The following NRG4 variants were observed in gnomAD, a reference collection of about 807,000 sequenced individuals.
NRG4 encodes the protein neuregulin 4, also known as pro-neuregulin-4, membrane-bound isoform.
In NRG4, 10 loss-of-function variants were observed where a neutral mutation model predicts 15.0. The ratio of observed to expected loss-of-function variants is 0.67; its 90% CI spans 0.41 to 1.13. NRG4 has a LOEUF of 1.13. NRG4 is among the 50% of genes most tolerant of loss of function. The pLI is 0.00. For synonymous variants in NRG4, 41 were observed against 50.1 expected (o/e 0.82, Z 0.77); for missense variants, 139 against 140.2 (o/e 0.99, Z 0.04).
chr15:76,006,195 G>T (rs772954523), intron 3 of NRG4, among the ~76,000 whole-genome samples: 1 of 152,136 alleles, frequency 6.6e-6, no homozygotes, highest in African/African-American at 2.4e-5. Flanking sequence ...GTAGAAATAT[G>T]ATTTGACAAC....
intron 3 of NRG4, among the ~76,000 whole-genome samples, chr15:75,987,919 G>A (rs1281771795): frequency 1.3e-5 from 2 of 152,068 alleles, no homozygotes; most frequent in Non-Finnish European, 2.9e-5. Context: ...ATGAATTTTC[G>A]ATATACACTG....
chr15:76,005,705 G>GAAAAA, intron 3 of NRG4: 2 of 243,896 alleles, frequency 8.2e-6, no homozygotes, highest in Admixed American at 4.8e-5. Flanking sequence ...AAAAAGGAAA[G>GAAAAA]AAAAGAGAAT....
chr15:75,945,707 T>C (rs1041940858), intron 5 of NRG4: 3 of 152,192 alleles, frequency 2.0e-5, no homozygotes, highest in Non-Finnish European at 2.9e-5. Flanking sequence ...TAATGGCATC[T>C]CTTTCAGGCT....
At chr15:76,002,758 G>T (rs1381138796) in intron 3 of NRG4, among the ~76,000 whole-genome samples, 3 of 151,948 alleles carry the variant, frequency 2.0e-5, no homozygotes, top group African/African-American at 7.3e-5. Context: ...ATGATAAAAG[G>T]GTCAATTAAA....
chr15:76,046,746 T>C (rs1335881014), intron 4 of NRG4, among the ~76,000 whole-genome samples: 1 of 151,100 alleles, frequency 6.6e-6, no homozygotes, highest in Non-Finnish European at 1.5e-5. Flanking sequence ...TCCATGACAT[T>C]GGTCTGGGTA....
intron 5 of NRG4, chr15:76,035,833 G>C (rs1035806029): frequency 1.3e-5 from 2 of 152,146 alleles, no homozygotes; most frequent in Non-Finnish European, 2.9e-5. Context: ...AGAAGTTAAA[G>C]ACTGACAGTA....
In NRG4 at chr15:75,941,746, C is replaced by T. The variant is rs1488245598; in HGVS notation, c.*1892G>A. On this transcript the variant is annotated 3_prime_UTR_variant, in exon 6 of 6. Coordinates refer to ENST00000394907, the MANE Select transcript of NRG4 (RefSeq NM_138573.4). ...GTAGAACAAAGATTACGTTTTGTCA[C>T]AGGGAGCAGGAGGGAATGGGAATTT... 1.3e-5 allele frequency: 2 copies of T among 151,926 alleles called. No homozygotes were observed. The highest frequency in any genetic ancestry group is 4.8e-5 in the African/African-American group (2 of 41,350). 9.4% of individuals were successfully genotyped at this position (151,926 alleles called of 1,614,324 possible).
chr15:75,948,172 T>C (rs1452117407), intron 5 of NRG4, among the ~76,000 whole-genome samples: 1 of 152,184 alleles, frequency 6.6e-6, no homozygotes, highest in Non-Finnish European at 1.5e-5. Context: ...ATGTCCAATT[T>C]GTCTAACATT....
chr15:75,963,543 G>A (rs2032637088), intron 3 of NRG4, among the ~76,000 whole-genome samples: 1 of 152,074 alleles, frequency 6.6e-6, no homozygotes, highest in Non-Finnish European at 1.5e-5. Flanking sequence ...ACTTTGGGAG[G>A]CCGAGGCGGG....
At chr15:75,994,763 C>G (rs1244020520) in intron 3 of NRG4, among the ~76,000 whole-genome samples, 1 of 152,186 alleles carries the variant, frequency 6.6e-6, no homozygotes, top group African/African-American at 2.4e-5. Context: ...TTCTGAAAGT[C>G]AGGGCCTAGT....
intron 4 of NRG4, among the ~76,000 whole-genome samples, chr15:76,037,858 A>C (rs1053114525): frequency 1.3e-5 from 2 of 152,128 alleles, no homozygotes; most frequent in African/African-American, 4.8e-5. Flanking sequence ...GAGAGGAGAG[A>C]AGAGGGAAGA....
chr15:75,967,122 A>G lies in NRG4; in HGVS notation c.105-5148T>C, dbSNP rs906045027. Among the ~76,000 whole-genome samples, 13 of 151,590 alleles carry G rather than the reference A, an allele frequency of 8.6e-5. No individual in the cohort carries two copies. In the South Asian group the frequency reaches 1.2e-3, roughly 15 times the overall value. On this transcript the variant is annotated intron_variant, in intron 3 of 5. Coordinates refer to ENST00000394907, the MANE Select transcript of NRG4 (RefSeq NM_138573.4). ...AGCAAGACTCCGTCTCAAAAAAAAA[A>G]AAAAAAAAAAAAGTCTACAGCCATA...
At chr15:76,007,852 A>G (rs1567107154) in intron 3 of NRG4, among the ~76,000 whole-genome samples, 1 of 152,204 alleles carries the variant, frequency 6.6e-6, no homozygotes, top group Non-Finnish European at 1.5e-5. Flanking sequence ...GTTGTATTCA[A>G]AGGTGACACC....
At chr15:75,994,672 G>A (rs57973358) in intron 3 of NRG4, among the ~76,000 whole-genome samples, 5,445 of 152,292 alleles carry the variant, frequency 0.036, 170 homozygotes, top group African/African-American at 0.081. Flanking sequence ...AAGCTTGAAA[G>A]TATCTTACAG....
chr15:75,940,629 C>T (rs1042506860), downstream of NRG4: 1 of 152,016 alleles, frequency 6.6e-6, no homozygotes, highest in African/African-American at 2.4e-5. Context: ...GTGATTCTGG[C>T]ATAAAGGCAG....
chr15:75,955,809 A>G (rs1364331690), intron 5 of NRG4, 123 bp downstream of exon 5: 1 of 467,120 alleles, frequency 2.1e-6, no homozygotes, highest in African/African-American at 2.1e-5. Flanking sequence ...AAAAAAAAAA[A>G]CCCATAGAAA....
At chr15:75,944,143 A>G (rs2031289123) in intron 5 of NRG4, among the ~76,000 whole-genome samples, 1 of 152,216 alleles carries the variant, frequency 6.6e-6, no homozygotes, top group Non-Finnish European at 1.5e-5. Context: ...CTCTGTAGCC[A>G]GCAAGTCCTG....
At chr15:75,969,095 T>C (rs2032971842) in intron 3 of NRG4, 4 of 433,910 alleles carry the variant, frequency 9.2e-6, no homozygotes, top group Non-Finnish European at 1.9e-5. Context: ...TAAACCACAG[T>C]TCTCAACAGA....
intron 5 of NRG4, among the ~76,000 whole-genome samples, chr15:75,949,210 G>C (rs1214075202): frequency 1.3e-5 from 2 of 151,992 alleles, no homozygotes; most frequent in African/African-American, 4.8e-5. Flanking sequence ...CCAGAAGTTC[G>C]AGACCAGCCT....
Sources: gnomAD v4.1 joint callset for allele counts (sites outside exome capture counted in the v4.1 genomes callset) on GRCh38, gnomAD v4.1.1 for gene constraint, MANE v1.5 for transcripts, NCBI Gene and HGNC (gene_info 2026-07-23, HGNC 2026-07-21) for gene names.